CTNNA3: variants seen among roughly 807,000 people sequenced by gnomAD.
CTNNA3 encodes catenin alpha-3.
A neutral mutation model predicts 95.7 loss-of-function variants in CTNNA3; 76 were observed. The observed-to-expected ratio is 0.79, with a 90% CI of 0.66 to 0.96. CTNNA3 has a LOEUF of 0.96. Among genes scored for constraint, CTNNA3 ranks in the 40% least tolerant of loss-of-function variants. The pLI, the probability that CTNNA3 is intolerant of heterozygous loss-of-function variation, is 0.00. For synonymous variants in CTNNA3, 431 were observed against 374.4 expected, an observed-to-expected ratio of 1.15 and a Z score of -1.74; for missense variants, 1,191 against 1,089.8, an observed-to-expected ratio of 1.09 and a Z score of -1.31.
In CTNNA3 at chr10:67,217,518, T is replaced by C. The variant is rs535321282; in HGVS notation, c.843+2089A>G. 2.3e-4 allele frequency among the ~76,000 whole-genome samples: 35 copies of C among 152,288 alleles called. 1 individual carries two copies. In the South Asian group the frequency reaches 7.3e-3, roughly 32 times the overall value. The stretch of plus-strand genomic sequence containing the variant: ...CCCTTCCCGCCTCATGAAGAACAAC[T>C]GAGTCTGCCTTTCTTAAGAGAACAC... On this transcript the variant is annotated intron_variant, in intron 6 of 17. Transcript: ENST00000433211.
chr10:67,172,846 A>G (rs1021590235), intron 7 of CTNNA3, among the ~76,000 whole-genome samples: 1 of 151,976 alleles, frequency 6.6e-6, no homozygotes, highest in African/African-American at 2.4e-5. Flanking sequence ...ATGGTGGTGT[A>G]CACATGTAAT....
chr10:66,932,607 A>G (rs893957676), intron 7 of CTNNA3, among the ~76,000 whole-genome samples: 1 of 152,186 alleles, frequency 6.6e-6, no homozygotes, highest in Non-Finnish European at 1.5e-5. Flanking sequence ...AACAGAATAT[A>G]TAGGTAAATT....
At chr10:67,578,995 T>TGATA (rs1842269249) in intron 3 of CTNNA3, among the ~76,000 whole-genome samples, 1 of 55,088 alleles carries the variant, frequency 1.8e-5, no homozygotes. Context: ...CTGATCATAG[T>TGATA]GATATATATA....
At chr10:67,336,437 G>A (rs1474460998) in intron 5 of CTNNA3, among the ~76,000 whole-genome samples, 1 of 152,166 alleles carries the variant, frequency 6.6e-6, no homozygotes, top group Non-Finnish European at 1.5e-5. Flanking sequence ...ATAAGATTTA[G>A]GGAAAGAAGT....
intron 8 of CTNNA3, among the ~76,000 whole-genome samples, chr10:66,767,757 T>C (rs1564669603): frequency 6.6e-6 from 1 of 152,174 alleles, no homozygotes; most frequent in South Asian, 2.1e-4. Context: ...ATAATGATCA[T>C]AGAATAATAA....
intron 7 of CTNNA3, among the ~76,000 whole-genome samples, chr10:67,097,072 T>C (rs936278208): frequency 6.6e-6 from 1 of 151,904 alleles, no homozygotes; most frequent in Non-Finnish European, 1.5e-5. Context: ...GTAAGACATG[T>C]GGATTCCAGG....
rs189801254 is a variant in CTNNA3 at position 66,576,479 on chromosome 10, C to A, written c.1374+45213G>T. ...GGTAGCCTTCCAATCCATGCCCCCC[C>A]ACCACCCTCCCCAATGAAGCAGTCT... On this transcript the variant is annotated intron_variant, in intron 10 of 17. Coordinates refer to ENST00000433211, the MANE Select transcript of CTNNA3 (RefSeq NM_013266.4). 8.8e-3 allele frequency among the ~76,000 whole-genome samples: 1,335 copies of A among 152,078 alleles called. 10 individuals are homozygous for A. The highest frequency in any genetic ancestry group is 0.014 in the Non-Finnish European group (970 of 67,986).
chr10:66,631,919 T>C (rs1489341947), intron 9 of CTNNA3, among the ~76,000 whole-genome samples: 1 of 151,510 alleles, frequency 6.6e-6, no homozygotes, highest in Non-Finnish European at 1.5e-5. Context: ...AGATGAATAA[T>C]ATATTTTTCT....
intron 11 of CTNNA3, among the ~76,000 whole-genome samples, chr10:66,464,777 AAC>A: frequency 6.6e-6 from 1 of 151,928 alleles, no homozygotes; most frequent in East Asian, 1.9e-4. Flanking sequence ...TAAAAAAAAA[AAC>A]AAAAACACCT....
intron 11 of CTNNA3, among the ~76,000 whole-genome samples, chr10:66,422,450 C>T (rs2093203517): frequency 6.6e-6 from 1 of 151,978 alleles, no homozygotes; most frequent in African/African-American, 2.4e-5. Flanking sequence ...TTGTTTCTAA[C>T]AAAAGGATAT....
intron 3 of CTNNA3, among the ~76,000 whole-genome samples, chr10:67,550,634 T>C (rs926369869): frequency 2.1e-4 from 31 of 150,912 alleles, no homozygotes; most frequent in Admixed American, 5.9e-4. Context: ...ATTTAAAGAA[T>C]AAAGAAATTC....
At chr10:66,990,975 G>C (rs1330816719) in intron 7 of CTNNA3, among the ~76,000 whole-genome samples, 1 of 152,130 alleles carries the variant, frequency 6.6e-6, no homozygotes, top group Non-Finnish European at 1.5e-5. Flanking sequence ...GAGTAATCAT[G>C]ATGGCATGTA....
chr10:66,948,635 A>G (rs1848391364), intron 7 of CTNNA3, among the ~76,000 whole-genome samples: 2 of 152,204 alleles, frequency 1.3e-5, no homozygotes, highest in Non-Finnish European at 2.9e-5. Flanking sequence ...ATTTATATCT[A>G]CAGGAAGAAT....
intron 7 of CTNNA3, among the ~76,000 whole-genome samples, chr10:66,933,160 A>T (rs1847504557): frequency 1.3e-5 from 2 of 152,248 alleles, no homozygotes; most frequent in Non-Finnish European, 2.9e-5. Context: ...CATGAGCCAA[A>T]AAGAAATCAG....
chr10:67,226,342 C>G (rs1177871070), intron 5 of CTNNA3, among the ~76,000 whole-genome samples: 1 of 152,096 alleles, frequency 6.6e-6, no homozygotes, highest in Non-Finnish European at 1.5e-5. Context: ...TTGCTAGAGA[C>G]CTAGACATCC....
At chr10:66,739,035 G>A (rs1353487407) in intron 9 of CTNNA3, among the ~76,000 whole-genome samples, 1 of 152,110 alleles carries the variant, frequency 6.6e-6, no homozygotes, top group Non-Finnish European at 1.5e-5. Flanking sequence ...ATAAATTTCA[G>A]TCATCTCAGT....
At chr10:66,913,262 A>AAG (rs1554877826) in intron 7 of CTNNA3, among the ~76,000 whole-genome samples, 5 of 145,844 alleles carry the variant, frequency 3.4e-5, no homozygotes, top group African/African-American at 1.0e-4. Context: ...AAAAAAAAAA[A>AAG]AAAGAAAAAG....
chr10:66,921,006 T>C (rs1458769658), intron 7 of CTNNA3, among the ~76,000 whole-genome samples: 2 of 152,148 alleles, frequency 1.3e-5, no homozygotes, highest in Non-Finnish European at 2.9e-5. Context: ...ATCATCTCAG[T>C]CAGTCTGTGC....
At chr10:66,266,774 A>G (rs930686972) in intron 13 of CTNNA3, among the ~76,000 whole-genome samples, 2 of 152,050 alleles carry the variant, frequency 1.3e-5, no homozygotes, top group Non-Finnish European at 2.9e-5. Flanking sequence ...TTCCAAATAC[A>G]AGCCTCATTT....
Sources: allele counts gnomAD v4.1 joint callset (sites outside exome capture counted in the v4.1 genomes callset), GRCh38; gene constraint gnomAD v4.1.1; transcripts MANE v1.5; gene names NCBI Gene and HGNC (gene_info 2026-07-23, HGNC 2026-07-21).